SCML2: variants seen among roughly 807,000 people sequenced by gnomAD.
SCML2 encodes the protein Scm polycomb group protein like 2.
Under a neutral mutation model 48.4 loss-of-function variants are expected in SCML2, and 6 were observed. The observed-to-expected ratio is 0.12, with a 90% CI of 0.07 to 0.24. The LOEUF (loss-of-function observed/expected upper bound fraction) is 0.24, where lower values mean the gene tolerates loss of function less well. Among genes scored for constraint, SCML2 ranks in the 10% least tolerant of loss-of-function variants. The pLI, the probability that SCML2 is intolerant of heterozygous loss-of-function variation, is 1.00. For missense variants in SCML2, 377 were observed against 528.2 expected (o/e 0.71, Z 2.81); for synonymous variants, 181 against 189.5 (o/e 0.95, Z 0.37).
intron 11 of SCML2, 104 bp from the exon 12 acceptor site, chrX:18,247,986 C>T (rs1365985392): frequency 2.1e-6 from 1 of 485,682 alleles, no homozygotes; most frequent in African/African-American, 2.3e-5. Context: ...CATTTGCCTA[C>T]AATACCTTCA....
At chrX:18,339,847 A>G (rs921922944) in intron 1 of SCML2, among the ~76,000 whole-genome samples, 3 of 112,014 alleles carry the variant, frequency 2.7e-5, no homozygotes, top group Non-Finnish European at 5.6e-5. Flanking sequence ...TTGAAAATAA[A>G]TGAGAACACA....
intron 7 of SCML2, among the ~76,000 whole-genome samples, chrX:18,277,856 G>A (rs1256666009): frequency 9.0e-6 from 1 of 111,314 alleles, no homozygotes; most frequent in Non-Finnish European, 1.9e-5. Flanking sequence ...ACAGCAGGAA[G>A]TGCCGTTCCC....
chrX:18,322,977 C>A (rs1302791001), intron 5 of SCML2, among the ~76,000 whole-genome samples: 1 of 111,216 alleles, frequency 9.0e-6, no homozygotes, highest in Non-Finnish European at 1.9e-5. Context: ...TAAAGAGTGG[C>A]TATTGTTAAT....
rs531400840 is a variant in SCML2, at chrX:18,309,738, G to C, written c.487-4523C>G. Among the ~76,000 whole-genome samples the C allele has an allele frequency of 3.6e-5, 4 of 111,501 alleles. No homozygotes were observed. The South Asian group carries it at 1.5e-3, about 42-fold the overall frequency. ...CAGTGAGTACACATGGACACAAAGA[G>C]GTGAACAACAAACACCAGGGCCTAC... On this transcript the variant is annotated intron_variant, in intron 6 of 14. Coordinates refer to ENST00000251900, the MANE Select transcript of SCML2 (RefSeq NM_006089.3).
intron 7 of SCML2, among the ~76,000 whole-genome samples, chrX:18,280,674 A>G (rs1227048971): frequency 8.9e-6 from 1 of 112,069 alleles, no homozygotes; most frequent in African/African-American, 3.2e-5. Context: ...GATCTATCAC[A>G]CAAACAGAAA....
At chrX:18,246,954 T>C (rs371106832) in intron 12 of SCML2, 126 bp from the exon 13 acceptor site, 1 of 670,317 alleles carries the variant, frequency 1.5e-6, no homozygotes, top group East Asian at 3.2e-5. Context: ...CACAATGCTC[T>C]AACACAAAGT....
At chrX:18,321,309 T>C (rs1201750585) in intron 5 of SCML2, among the ~76,000 whole-genome samples, 1 of 111,425 alleles carries the variant, frequency 9.0e-6, no homozygotes, top group Non-Finnish European at 1.9e-5. Context: ...TCACAGCATC[T>C]GGCATATGCA....
intron 7 of SCML2, among the ~76,000 whole-genome samples, chrX:18,300,449 C>T (rs1311259544): frequency 9.3e-6 from 1 of 107,128 alleles, no homozygotes; most frequent in Non-Finnish European, 1.9e-5. Context: ...ACAAAAACAT[C>T]ATCCACACAA....
At chrX:18,343,776 A>G (rs1276482020) in intron 1 of SCML2, among the ~76,000 whole-genome samples, 249 of 105,492 alleles carry the variant, frequency 2.4e-3, no homozygotes, top group African/African-American at 2.6e-3. Context: ...AAAAAAAAAA[A>G]AAAGAAAAAG....
At chrX:18,305,393 T>TC (rs1412928470) in intron 6 of SCML2, among the ~76,000 whole-genome samples, 178 bp from the exon 7 acceptor site, 1 of 111,794 alleles carries the variant, frequency 8.9e-6, no homozygotes, top group African/African-American at 3.2e-5. Context: ...AACTCTGCTC[T>TC]CCAACATCTC....
At chrX:18,320,835 T>C (rs777531510) in intron 5 of SCML2, among the ~76,000 whole-genome samples, 4 of 111,586 alleles carry the variant, frequency 3.6e-5, no homozygotes, top group Non-Finnish European at 7.5e-5. Context: ...AAGACAGTTT[T>C]CTGTCAAACT....
rs934808506 is a variant in SCML2, at chrX:18,335,032, C to G, written c.-24-937G>C. Reference sequence around the variant, plus strand: ...TTCAAGATCAGCCTGGGACACTCAGCATCAGAGACACTGATCAATTAAAGA... The same window carrying G: ...TTCAAGATCAGCCTGGGACACTCAGGATCAGAGACACTGATCAATTAAAGA... On this transcript the variant is annotated intron_variant, in intron 1 of 14. Coordinates refer to ENST00000251900, the MANE Select transcript of SCML2 (RefSeq NM_006089.3). Among the ~76,000 whole-genome samples the G allele has an allele frequency of 3.6e-5, 4 of 110,306 alleles. No individual in the cohort carries two copies. The Admixed American group carries it at 3.9e-4, about 11-fold the overall frequency.
At chrX:18,276,299 G>GAAA (rs369588545) in intron 7 of SCML2, among the ~76,000 whole-genome samples, 3 of 58,378 alleles carry the variant, frequency 5.1e-5, no homozygotes, top group Non-Finnish European at 6.8e-5. Flanking sequence ...GTCTCAAGAA[G>GAAA]AAAAAAAAAA....
At chrX:18,332,806 C>A (rs1452509936) in intron 2 of SCML2, among the ~76,000 whole-genome samples, 2 of 109,637 alleles carry the variant, frequency 1.8e-5, no homozygotes, top group Admixed American at 2.0e-4. Flanking sequence ...AAGACCCAGT[C>A]TCCACAAAAA....
intron 6 of SCML2, among the ~76,000 whole-genome samples, chrX:18,308,373 G>C (rs186635986): frequency 2.0e-5 from 2 of 98,039 alleles, no homozygotes; most frequent in East Asian, 6.4e-4. Context: ...GAGGGAGGGA[G>C]GGAGGGAAGG....
chrX:18,297,214 C>T (rs1439031892), intron 7 of SCML2, among the ~76,000 whole-genome samples: 1 of 111,916 alleles, frequency 8.9e-6, no homozygotes, highest in African/African-American at 3.2e-5. Flanking sequence ...ACAAACTAGG[C>T]ACAGAAGGAA....
rs369620108 is a variant in SCML2, at chrX:18,340,105, T to C, written c.-24-6010A>G. ...TTCTTAGCTAAAATGAAATGTACAATGAATAATAAATGCCAGTTCATACCA... is the reference window on the plus strand; with the variant it reads ...TTCTTAGCTAAAATGAAATGTACAACGAATAATAAATGCCAGTTCATACCA... On this transcript the variant is annotated intron_variant, in intron 1 of 14. Coordinates refer to ENST00000251900, the MANE Select transcript of SCML2 (RefSeq NM_006089.3). 3.7e-4 allele frequency among the ~76,000 whole-genome samples: 41 copies of C among 112,188 alleles called. No homozygotes were observed. In the South Asian group the frequency reaches 6.6e-3, roughly 18 times the overall value.
At chrX:18,257,139 GTTCTTTGTAA>G in intron 10 of SCML2, 109 bp from the exon 11 acceptor site, 1 of 471,958 alleles carries the variant, frequency 2.1e-6, no homozygotes, top group Non-Finnish European at 3.3e-6. Flanking sequence ...TCTAATTTGT[GTTCTTTGTAA>G]TTCATAAAGG....
intron 2 of SCML2, among the ~76,000 whole-genome samples, chrX:18,332,695 T>A (rs1929694309): frequency 9.0e-6 from 1 of 111,656 alleles, no homozygotes; most frequent in African/African-American, 3.2e-5. Flanking sequence ...GATAACTAGG[T>A]TGGATGTGAC....
Sources: allele counts gnomAD v4.1 joint callset (sites outside exome capture counted in the v4.1 genomes callset), GRCh38; gene constraint gnomAD v4.1.1; transcripts MANE v1.5; gene names NCBI Gene and HGNC (gene_info 2026-07-23, HGNC 2026-07-21).